LIMA1: variants seen among roughly 807,000 people sequenced by gnomAD.
LIMA1 encodes LIM domain and actin binding 1, also known as LIM domain and actin-binding protein 1.
LIMA1 carries 52 observed loss-of-function variants against 62.6 expected under a neutral mutation model. The observed-to-expected ratio is 0.83, with a 90% CI of 0.67 to 1.05. The LOEUF (loss-of-function observed/expected upper bound fraction) is 1.05, where lower values mean the gene tolerates loss of function less well. Ranked by LOEUF, LIMA1 falls within the 50% of genes least tolerant of loss-of-function variation. The pLI is 0.00. For missense variants in LIMA1, 780 were observed against 902.2 expected (o/e 0.86, Z 1.74); for synonymous variants, 302 against 317.8 (o/e 0.95, Z 0.53).
At chr12:50,190,943 C>A (rs1465424234) in intron 9 of LIMA1, among the ~76,000 whole-genome samples, 1 of 150,970 alleles carries the variant, frequency 6.6e-6, no homozygotes, top group Admixed American at 6.6e-5. Context: ...CATAGTGAGA[C>A]CCCATCCCTA....
intron 2 of LIMA1, among the ~76,000 whole-genome samples, chr12:50,233,725 A>G (rs1941646747): frequency 6.6e-6 from 1 of 152,126 alleles, no homozygotes; most frequent in Non-Finnish European, 1.5e-5. Context: ...GGGTTTCACC[A>G]TGTTGGCCAG....
At chr12:50,193,534 G>GATATAT (rs554707999) in intron 8 of LIMA1, among the ~76,000 whole-genome samples, 5 of 95,394 alleles carry the variant, frequency 5.2e-5, no homozygotes, top group Admixed American at 3.5e-4. Context: ...ACACATATAT[G>GATATAT]ATATATATAT....
intron 5 of LIMA1, 45 bp from the exon 6 acceptor site, chr12:50,204,745 G>A (rs1368764011): frequency 1.3e-6 from 2 of 1,582,728 alleles, no homozygotes; most frequent in South Asian, 2.2e-5. Context: ...TCTGAGATGG[G>A]GTCTCACTCT....
intron 3 of LIMA1, 169 bp from the exon 4 acceptor site, chr12:50,222,654 C>T: frequency 6.6e-7 from 1 of 1,526,330 alleles, no homozygotes; most frequent in Non-Finnish European, 8.8e-7. Context: ...ATCCACCCGG[C>T]AGAGGGAGAG....
At chr12:50,263,785 C>G (rs1354212770) in intron 1 of LIMA1, among the ~76,000 whole-genome samples, 3 of 131,350 alleles carry the variant, frequency 2.3e-5, no homozygotes, top group African/African-American at 5.9e-5. Context: ...TTCCATTCCT[C>G]TGTGTGTGTG....
intron 6 of LIMA1, chr12:50,204,305 A>G (rs924620698): frequency 2.6e-6 from 1 of 383,422 alleles, no homozygotes; most frequent in Non-Finnish European, 4.6e-6. Flanking sequence ...GAAACTCTCA[A>G]TGATACTCAC....
At chr12:50,197,954 G>A (rs921810762) in intron 7 of LIMA1, among the ~76,000 whole-genome samples, 39 of 152,126 alleles carry the variant, frequency 2.6e-4, no homozygotes, top group African/African-American at 7.2e-4. Context: ...TGCCTCATGG[G>A]CTAATGCCTG....
At position 50,195,846 on chromosome 12, in the gene LIMA1, A is replaced by G. The variant is rs769582222; in HGVS notation, c.1014T>C (p.Pro338=). ...NENSLAVRST[P]AEDDSRDSQV... ...AATGCTTACGGGAGTCATCTTCGGC[A>G]GGGGTGGAACGGACTGCCAGGCTAT... Residue 338 remains proline, a synonymous_variant, in exon 8 of 11, where the codon CCT becomes CCC. Transcript: ENST00000341247. The G allele has an allele frequency of 7.8e-6, 12 of 1,542,152 alleles. No individual in the cohort carries two copies. In the South Asian group the frequency reaches 1.3e-4, roughly 16 times the overall value.
chr12:50,244,922 G>A (rs1941827302), intron 2 of LIMA1, among the ~76,000 whole-genome samples: 1 of 152,166 alleles, frequency 6.6e-6, no homozygotes, highest in African/African-American at 2.4e-5. Flanking sequence ...CTGACATCCA[G>A]GGCTGGGTGT....
rs560784317 is a variant in LIMA1 at position 50,201,438 on chromosome 12, A to G, written c.865-554T>C. 130 of 981,748 alleles carry G rather than the reference A, an allele frequency of 1.3e-4. No homozygotes were observed. In the African/African-American group the frequency reaches 2.1e-3, roughly 16 times the overall value. 60.8% of individuals were successfully genotyped at this position (981,748 alleles called of 1,614,324 possible). A position where few individuals can be genotyped will look rare whatever the true frequency, so the allele number is the denominator to read the frequency against. ...CAAAAAGCATGTTTTTCCATATACA[A>G]TTCATATATTGTACTAAAGACATAA... On this transcript the variant is annotated intron_variant, in intron 6 of 10. Transcript: ENST00000341247.
chr12:50,281,670 A>C (rs1031518111), intron 1 of LIMA1, among the ~76,000 whole-genome samples: 2 of 152,250 alleles, frequency 1.3e-5, no homozygotes, highest in Non-Finnish European at 2.9e-5. Context: ...CATTAACAAC[A>C]GGGTCTAATC....
intron 9 of LIMA1, among the ~76,000 whole-genome samples, chr12:50,183,945 T>A (rs1940569768): frequency 6.6e-6 from 1 of 150,878 alleles, no homozygotes; most frequent in Non-Finnish European, 1.5e-5. Flanking sequence ...GGGCAGGAAG[T>A]GAGAGCAGAA....
At chr12:50,251,781 A>G (rs1683887271) in intron 1 of LIMA1, among the ~76,000 whole-genome samples, 1 of 152,194 alleles carries the variant, frequency 6.6e-6, no homozygotes, top group Non-Finnish European at 1.5e-5. Context: ...CAGAACATCT[A>G]TTTTGGTATA....
chr12:50,187,229 A>C (rs1940651551), intron 9 of LIMA1: 2 of 152,126 alleles, frequency 1.3e-5, no homozygotes, highest in Non-Finnish European at 2.9e-5. Context: ...TACTCTAATA[A>C]AGGCCCCAGT....
intron 8 of LIMA1, among the ~76,000 whole-genome samples, chr12:50,195,383 G>A (rs1275111830): frequency 6.6e-6 from 1 of 152,078 alleles, no homozygotes; most frequent in African/African-American, 2.4e-5. Flanking sequence ...TGGCTAGGAG[G>A]TTGACTATAA....
chr12:50,188,175 T>C lies in LIMA1; in HGVS notation c.1140+4277A>G, dbSNP rs1434491178. On this transcript the variant is annotated intron_variant, in intron 9 of 10. Transcript: ENST00000341247. ...GAATCTCTACCTTAGATGTCCTCTT[T>C]TCAATAACAGACAGGCACTAAGAAA... 5.3e-5 allele frequency: 8 copies of C among 152,338 alleles called. No homozygotes were observed. In the East Asian group the frequency reaches 1.5e-3, roughly 29 times the overall value. The allele number at this position is 152,338 out of a possible 1,614,324, so 9.4% of individuals were successfully genotyped here. A position where few individuals can be genotyped will look rare whatever the true frequency, so the allele number is the denominator to read the frequency against.
rs368350068 is a variant in LIMA1, at chr12:50,260,735, T to C, written c.-23-11961A>G. Among the ~76,000 whole-genome samples the C allele has an allele frequency of 1.8e-4, 28 of 152,230 alleles. No individual in the cohort carries two copies. In the South Asian group the frequency reaches 3.9e-3, roughly 21 times the overall value. The stretch of plus-strand genomic sequence containing the variant: ...CTGTGGTGACATGTGCAAGTTTCTT[T>C]ACTTCTCTGAGGCATATACCATTAC... On this transcript the variant is annotated intron_variant, in intron 1 of 10. Coordinates refer to ENST00000341247, the MANE Select transcript of LIMA1 (RefSeq NM_016357.5).
chr12:50,272,098 C>A (rs759656653), intron 1 of LIMA1, among the ~76,000 whole-genome samples: 1 of 152,150 alleles, frequency 6.6e-6, no homozygotes, highest in Non-Finnish European at 1.5e-5. Flanking sequence ...TTCTTAGTTT[C>A]ACTTCTGGAC....
intron 2 of LIMA1, among the ~76,000 whole-genome samples, chr12:50,246,043 C>T (rs753052651): frequency 6.6e-6 from 1 of 151,644 alleles, no homozygotes; most frequent in African/African-American, 2.4e-5. Flanking sequence ...ACCAGCCTGA[C>T]CAATATGATG....
Sources: allele counts gnomAD v4.1 joint callset (sites outside exome capture counted in the v4.1 genomes callset), GRCh38; gene constraint gnomAD v4.1.1; transcripts MANE v1.5; gene names NCBI Gene and HGNC (gene_info 2026-07-23, HGNC 2026-07-21).